ERAP1: variants seen among roughly 807,000 people sequenced by gnomAD.
The protein encoded by ERAP1 is endoplasmic reticulum aminopeptidase 1.
In ERAP1, 86 loss-of-function variants were observed where a neutral mutation model predicts 103.7. The ratio of observed to expected loss-of-function variants is 0.83; its 90% CI spans 0.70 to 0.99. ERAP1 has a LOEUF of 0.99. ERAP1 is among the 50% of genes least tolerant of loss of function. The pLI is 0.00. For missense variants in ERAP1, 1,009 were observed against 1,128.4 expected (o/e 0.89, Z 1.52); for synonymous variants, 398 against 402.4 (o/e 0.99, Z 0.13).
At chr5:96,785,178 A>T in intron 13 of ERAP1, 1 of 153,868 alleles carries the variant, frequency 6.5e-6, no homozygotes, top group Non-Finnish European at 1.4e-5. Context: ...GCATTTCCTT[A>T]AAAACCATTG....
At chr5:96,860,663 G>A in the ERAP1 span, among the ~76,000 whole-genome samples, 1 of 152,164 alleles carries the variant, frequency 6.6e-6, no homozygotes, top group African/African-American at 2.4e-5. Context: ...GTTTCCTTGA[G>A]TAAGAGTCAG....
chr5:96,891,644 C>A, the ERAP1 span, among the ~76,000 whole-genome samples: 2 of 151,806 alleles, frequency 1.3e-5, no homozygotes, highest in Admixed American at 1.3e-4. Flanking sequence ...CATTAGATTG[C>A]ACTTTTTCCC....
chr5:96,767,387 T>C, intron 19 of ERAP1: 1 of 1,491,404 alleles, frequency 6.7e-7, no homozygotes, highest in Non-Finnish European at 9.3e-7. Context: ...TAAACCTAAG[T>C]AAACCTTTAC....
chr5:96,800,746 A>C, intron 3 of ERAP1, 116 bp downstream of exon 3: 1 of 1,095,416 alleles, frequency 9.1e-7, no homozygotes, highest in Non-Finnish European at 1.4e-6. Flanking sequence ...GTTAGTAACG[A>C]TCTGCCAGGC....
At chr5:96,767,903 T>C (rs780610203) in intron 19 of ERAP1, 2 of 1,606,440 alleles carry the variant, frequency 1.2e-6, no homozygotes, top group East Asian at 2.2e-5. Context: ...TACTCATATC[T>C]CAGAAACCTG....
chr5:96,933,012 C>T, the ERAP1 span, among the ~76,000 whole-genome samples: 4,909 of 151,962 alleles, frequency 0.032, 149 homozygotes, highest in South Asian at 0.088. Context: ...GGAGGATAGG[C>T]GGGTGTTAAA....
chr5:96,883,760 T>A, the ERAP1 span: 1 of 1,591,474 alleles, frequency 6.3e-7, no homozygotes, highest in Non-Finnish European at 8.5e-7. Context: ...ATTTCACTTG[T>A]GCATTTTGGC....
At chr5:96,928,808 C>T in the ERAP1 span, among the ~76,000 whole-genome samples, 1 of 152,100 alleles carries the variant, frequency 6.6e-6, no homozygotes, top group Non-Finnish European at 1.5e-5. Context: ...TTGCAGCCAG[C>T]GTCAGGGAAA....
chr5:96,772,353 A>G (rs1404467696), downstream of ERAP1: 1 of 153,280 alleles, frequency 6.5e-6, no homozygotes, highest in Non-Finnish European at 1.5e-5. Context: ...ACAAGCACTT[A>G]CTGACCAAAG....
the ERAP1 span, among the ~76,000 whole-genome samples, chr5:96,820,517 A>T: frequency 6.6e-6 from 1 of 152,212 alleles, no homozygotes; most frequent in African/African-American, 2.4e-5. Context: ...GCTGAAATCT[A>T]AACGTTACTA....
At chr5:96,895,941 T>A in the ERAP1 span, among the ~76,000 whole-genome samples, 1 of 151,006 alleles carries the variant, frequency 6.6e-6, no homozygotes, top group Non-Finnish European at 1.5e-5. Context: ...AGTTAGGCTC[T>A]TCTTGTTACT....
the ERAP1 span, among the ~76,000 whole-genome samples, chr5:96,869,350 T>C: frequency 1.3e-5 from 2 of 152,166 alleles, no homozygotes; most frequent in Non-Finnish European, 2.9e-5. Context: ...ACTAGTTTTA[T>C]ACCAAGTGTT....
chr5:96,889,951 A>G, the ERAP1 span, among the ~76,000 whole-genome samples: 9 of 152,162 alleles, frequency 5.9e-5, no homozygotes, highest in Non-Finnish European at 1.3e-4. Context: ...AAAGTTGTCA[A>G]AAGTTTATGT....
At position 96,781,171 on chromosome 5, in the gene ERAP1, A is replaced by G; in HGVS notation, c.2475T>C (p.Asp825=). 1 of 1,612,516 alleles carries G rather than the reference A, an allele frequency of 6.2e-7. No individual in the cohort carries two copies. The highest frequency in any genetic ancestry group is 1.1e-5 in the South Asian group (1 of 90,984). ...QWLLDESFKG[D]KIKTQEFPQI... ...GTGGAAACTCCTGAGTTTTTATTTT[A>G]TCTCCCTTAAAGCTTTCATCTAGTA... The change falls in exon 17 of 19, where the codon GAT becomes GAC. Residue 825 remains aspartate (D), a synonymous_variant. Transcript: ENST00000443439.
chr5:96,778,130 C>T (rs1007352314), intron 18 of ERAP1, among the ~76,000 whole-genome samples: 2 of 152,174 alleles, frequency 1.3e-5, no homozygotes, highest in African/African-American at 2.4e-5. Context: ...CATTTGTTCA[C>T]CAATATTTAC....
At chr5:96,909,454 A>G in the ERAP1 span, 16 of 747,586 alleles carry the variant, frequency 2.1e-5, no homozygotes, top group African/African-American at 1.9e-4. Flanking sequence ...AGAAATACGA[A>G]GATACACTGT....
At chr5:96,821,783 G>A in the ERAP1 span, among the ~76,000 whole-genome samples, 2 of 152,160 alleles carry the variant, frequency 1.3e-5, no homozygotes, top group South Asian at 2.1e-4. Flanking sequence ...GTCCCAAGCA[G>A]GATATCCTCA....
the ERAP1 span, chr5:96,913,237 T>A: frequency 1.8e-6 from 2 of 1,124,238 alleles, no homozygotes; most frequent in Non-Finnish European, 2.6e-6. Flanking sequence ...GTTCTATTCT[T>A]TTAATATATT....
chr5:96,817,167 C>T, the ERAP1 span, among the ~76,000 whole-genome samples: 1 of 152,186 alleles, frequency 6.6e-6, no homozygotes, highest in East Asian at 1.9e-4. Context: ...TAAATCAAGT[C>T]TCCCCATGGG....
Sources: gnomAD v4.1 joint callset for allele counts (sites outside exome capture counted in the v4.1 genomes callset) on GRCh38, gnomAD v4.1.1 for gene constraint, MANE v1.5 for transcripts, NCBI Gene and HGNC (gene_info 2026-07-23, HGNC 2026-07-21) for gene names.